Variants in INPP4B observed in about 807,000 individuals in gnomAD.
The protein encoded by INPP4B is inositol polyphosphate 4-phosphatase type II.
Under a neutral mutation model 122.5 loss-of-function variants are expected in INPP4B, and 55 were observed. That is an observed-to-expected ratio of 0.45 (90% CI 0.36 to 0.56). The LOEUF (loss-of-function observed/expected upper bound fraction) is 0.56. Ranked by LOEUF, INPP4B falls within the 20% of genes least tolerant of loss-of-function variation. INPP4B has a pLI of 0.00. For synonymous variants in INPP4B, 403 were observed against 388.7 expected, an observed-to-expected ratio of 1.04 and a Z score of -0.43; for missense variants, 1,000 against 1,097.7, an observed-to-expected ratio of 0.91 and a Z score of 1.26.
intron 1 of INPP4B, among the ~76,000 whole-genome samples, chr4:142,748,916 G>A (rs1769202175): frequency 6.6e-6 from 1 of 151,874 alleles, no homozygotes; most frequent in Non-Finnish European, 1.5e-5. Flanking sequence ...AAGGCATTCA[G>A]GTCACTTGTG....
At chr4:142,047,886 A>G (rs923275931) in intron 25 of INPP4B, among the ~76,000 whole-genome samples, 7 of 152,094 alleles carry the variant, frequency 4.6e-5, no homozygotes, top group Non-Finnish European at 7.4e-5. Context: ...TCAACCTGCC[A>G]CTGTGGCTGC....
Position 142,624,097 on chromosome 4 carries a change from C to T in INPP4B, c.-191+101742G>A, listed in dbSNP as rs374554204. On this transcript the variant is annotated intron_variant, in intron 2 of 25. Coordinates refer to ENST00000262992, the MANE Select transcript of INPP4B (RefSeq NM_001101669.3). ...GGGTATATACCCAGTAATGGGATGG[C>T]TGGGTCAAATGGTATTTCTAGTTCT... is the stretch of plus-strand genomic sequence containing the variant. Among the ~76,000 whole-genome samples the T allele has an allele frequency of 3.0e-4, 46 of 151,036 alleles. No homozygotes were observed. The South Asian group carries it at 9.6e-3, about 32-fold the overall frequency.
intron 2 of INPP4B, among the ~76,000 whole-genome samples, chr4:142,596,742 C>A (rs1268052326): frequency 6.6e-6 from 1 of 152,098 alleles, no homozygotes; most frequent in Non-Finnish European, 1.5e-5. Flanking sequence ...GTTTTAAAAC[C>A]ACCACAATCC....
chr4:142,227,513 C>G (rs1395866212), intron 12 of INPP4B, among the ~76,000 whole-genome samples: 2 of 151,964 alleles, frequency 1.3e-5, no homozygotes, highest in Admixed American at 6.6e-5. Flanking sequence ...GTTATTACAG[C>G]TTTTTACATC....
At chr4:142,347,880 A>G (rs1168511037) in intron 7 of INPP4B, among the ~76,000 whole-genome samples, 1 of 152,062 alleles carries the variant, frequency 6.6e-6, no homozygotes, top group Non-Finnish European at 1.5e-5. Context: ...TCAAAGCTAA[A>G]GATTCCCATT....
At chr4:142,688,488 G>A (rs1759698167) in intron 2 of INPP4B, among the ~76,000 whole-genome samples, 1 of 151,942 alleles carries the variant, frequency 6.6e-6, no homozygotes, top group Non-Finnish European at 1.5e-5. Context: ...ATCCTTTCCT[G>A]TCTCCTACAT....
intron 3 of INPP4B, among the ~76,000 whole-genome samples, chr4:142,460,164 G>A (rs150655561): frequency 9.9e-5 from 15 of 152,162 alleles, no homozygotes; most frequent in African/African-American, 1.4e-4. Flanking sequence ...TGAAAAAACA[G>A]GATTTGCAAA....
chr4:142,274,753 A>G (rs920087872), intron 9 of INPP4B, among the ~76,000 whole-genome samples: 2 of 151,826 alleles, frequency 1.3e-5, no homozygotes, highest in African/African-American at 4.8e-5. Context: ...ATGGGGCTGC[A>G]GTAATCAGTA....
At chr4:142,608,741 A>G (rs747114923) in intron 2 of INPP4B, among the ~76,000 whole-genome samples, 2 of 152,202 alleles carry the variant, frequency 1.3e-5, no homozygotes, top group African/African-American at 2.4e-5. Context: ...AAATCTCAAC[A>G]GAGTCTGCTG....
At chr4:142,379,868 C>T (rs1185493926) in intron 7 of INPP4B, among the ~76,000 whole-genome samples, 2 of 152,178 alleles carry the variant, frequency 1.3e-5, no homozygotes, top group African/African-American at 4.8e-5. Flanking sequence ...TATGCATCCA[C>T]CTGTACTCAC....
At chr4:142,568,318 G>A (rs1732089475) in intron 2 of INPP4B, among the ~76,000 whole-genome samples, 2 of 152,070 alleles carry the variant, frequency 1.3e-5, no homozygotes, top group South Asian at 4.2e-4. Flanking sequence ...ATCACTTCTG[G>A]TAACTTACCA....
chr4:142,167,207 CA>C (rs142563375), intron 16 of INPP4B, among the ~76,000 whole-genome samples: 14,684 of 151,400 alleles, frequency 0.097, 1,043 homozygotes, highest in African/African-American at 0.2. Flanking sequence ...GAATACTACA[CA>C]GTTATAAAAA....
intron 17 of INPP4B, among the ~76,000 whole-genome samples, chr4:142,156,039 T>G (rs1358554702): frequency 1.3e-5 from 2 of 149,266 alleles, no homozygotes; most frequent in Non-Finnish European, 3.0e-5. Context: ...AGACTAAAAT[T>G]TTAAATTTGG....
At chr4:142,172,503 A>G (rs1216910066) in intron 16 of INPP4B, among the ~76,000 whole-genome samples, 1 of 151,928 alleles carries the variant, frequency 6.6e-6, no homozygotes, top group Non-Finnish European at 1.5e-5. Flanking sequence ...TCTGGCCTGG[A>G]AGGAATGCTG....
At chr4:142,227,856 T>TAAAA (rs60375355) in intron 12 of INPP4B, among the ~76,000 whole-genome samples, 5 of 34,202 alleles carry the variant, frequency 1.5e-4, no homozygotes, top group Non-Finnish European at 2.3e-4. Flanking sequence ...AGACTCTATC[T>TAAAA]AAAAAAAAAA....
intron 2 of INPP4B, among the ~76,000 whole-genome samples, chr4:142,531,698 G>A (rs1054308597): frequency 2.0e-5 from 3 of 151,834 alleles, no homozygotes; most frequent in South Asian, 2.1e-4. Context: ...ACAAGCCTGC[G>A]TGAAGGTCAT....
rs150077914 is a variant in INPP4B at position 142,463,662 on chromosome 4, G to T, written c.-190-936C>A. On this transcript the variant is annotated intron_variant, in intron 2 of 25. Transcript: ENST00000262992. ...TCCCCACATGTTGTGAGAGGGACCT[G>T]GTGGGAGGTAATTGAATCATGGGGG... Among the ~76,000 whole-genome samples, 25 of 152,236 alleles carry T rather than the reference G, an allele frequency of 1.6e-4. No homozygotes were observed. In the East Asian group the frequency reaches 4.8e-3, roughly 29 times the overall value.
chr4:142,219,710 G>A (rs1848618560), intron 12 of INPP4B, among the ~76,000 whole-genome samples: 1 of 152,136 alleles, frequency 6.6e-6, no homozygotes, highest in African/African-American at 2.4e-5. Context: ...AACATTTCTG[G>A]ATACCACCCC....
chr4:142,741,909 G>A (rs576434012), intron 1 of INPP4B, among the ~76,000 whole-genome samples: 1 of 151,896 alleles, frequency 6.6e-6, no homozygotes, highest in East Asian at 1.9e-4. Flanking sequence ...CTTAAATTTT[G>A]TCATCTAGAA....
Sources: allele counts gnomAD v4.1 joint callset (sites outside exome capture counted in the v4.1 genomes callset), GRCh38; gene constraint gnomAD v4.1.1; transcripts MANE v1.5; gene names NCBI Gene and HGNC (gene_info 2026-07-23, HGNC 2026-07-21).